NME7: variants seen among roughly 807,000 people sequenced by gnomAD.
NME7 encodes nucleoside diphosphate kinase 7.
NME7 carries 41 observed loss-of-function variants against 49.1 expected under a neutral mutation model. The observed-to-expected ratio is 0.83, with a 90% CI of 0.65 to 1.08. The LOEUF is 1.08. NME7 is among the 50% of genes least tolerant of loss of function. The pLI, the probability that NME7 is intolerant of heterozygous loss-of-function variation, is 0.00. For missense variants in NME7, 423 were observed against 463.4 expected (o/e 0.91, Z 0.80); for synonymous variants, 139 against 150.6 (o/e 0.92, Z 0.56).
chr1:169,154,145 C>T (rs1436157129), intron 11 of NME7, among the ~76,000 whole-genome samples: 1 of 151,992 alleles, frequency 6.6e-6, no homozygotes, highest in Non-Finnish European at 1.5e-5. Context: ...TTTGGAGTAG[C>T]TGAGACCACA....
rs143197998 is a variant in NME7 at position 169,269,746 on chromosome 1, T to A, written c.754+17557A>T. 1.4e-3 allele frequency among the ~76,000 whole-genome samples: 187 copies of A among 133,898 alleles called. 48 individuals carry two copies. The highest frequency in any genetic ancestry group is 4.9e-3 in the South Asian group (21 of 4,326). The allele number at this position is 133,898 out of a possible 152,430, so 87.8% of individuals were successfully genotyped here. On this transcript the variant is annotated intron_variant, in intron 7 of 11. Coordinates refer to ENST00000367811, the MANE Select transcript of NME7 (RefSeq NM_013330.5). Reference sequence around the variant, plus strand: ...TTTTAATTCTTATACCAGAGCCAATTCTGATGCTAAATTTACAAATTGGTC... The same window carrying A: ...TTTTAATTCTTATACCAGAGCCAATACTGATGCTAAATTTACAAATTGGTC...
chr1:169,225,654 G>T (rs978575716), intron 10 of NME7, among the ~76,000 whole-genome samples: 6 of 152,228 alleles, frequency 3.9e-5, no homozygotes, highest in African/African-American at 1.4e-4. Flanking sequence ...TTACTTTGTA[G>T]ATAGTAAATA....
intron 5 of NME7, among the ~76,000 whole-genome samples, chr1:169,300,509 T>C (rs1167752513): frequency 6.6e-6 from 1 of 152,148 alleles, no homozygotes; most frequent in Non-Finnish European, 1.5e-5. Context: ...AATAATAATA[T>C]GAGCATGCAA....
intron 11 of NME7, among the ~76,000 whole-genome samples, chr1:169,146,113 T>G (rs1244851385): frequency 1.3e-5 from 2 of 152,184 alleles, no homozygotes; most frequent in Non-Finnish European, 2.9e-5. Flanking sequence ...GAGTCCCCAG[T>G]GTCTATTATT....
intron 10 of NME7, among the ~76,000 whole-genome samples, chr1:169,214,950 T>G (rs1384984797): frequency 6.6e-6 from 1 of 152,236 alleles, no homozygotes; most frequent in African/African-American, 2.4e-5. Context: ...GCAGCTGCCC[T>G]CCGCCAGTGA....
chr1:169,164,103 C>G (rs960709594), intron 11 of NME7, among the ~76,000 whole-genome samples: 3 of 113,824 alleles, frequency 2.6e-5, no homozygotes, highest in Non-Finnish European at 5.4e-5. Context: ...GAGCGAGACT[C>G]TGTCTCAAAA....
chr1:169,305,068 A>G (rs932988428), intron 4 of NME7, among the ~76,000 whole-genome samples: 1 of 152,202 alleles, frequency 6.6e-6, no homozygotes, highest in Non-Finnish European at 1.5e-5. Context: ...ATCCATTACT[A>G]AAAATGTTTC....
chr1:169,153,139 C>T (rs1007504088), intron 11 of NME7, among the ~76,000 whole-genome samples: 1 of 152,048 alleles, frequency 6.6e-6, no homozygotes, highest in Non-Finnish European at 1.5e-5. Context: ...TGATCCTGGC[C>T]AAGTCATTTC....
intron 7 of NME7, among the ~76,000 whole-genome samples, chr1:169,252,531 A>G (rs1344345054): frequency 2.0e-5 from 3 of 151,882 alleles, no homozygotes; most frequent in Non-Finnish European, 4.4e-5. Flanking sequence ...CTCTGATGGT[A>G]GTTTCTTTTG....
At chr1:169,323,034 G>A in intron 3 of NME7, 83 bp downstream of exon 3, 1 of 1,162,648 alleles carries the variant, frequency 8.6e-7, no homozygotes, top group Non-Finnish European at 1.2e-6. Flanking sequence ...TCCTCATATG[G>A]TTACATACTC....
intron 10 of NME7, among the ~76,000 whole-genome samples, chr1:169,211,957 T>C (rs1054197190): frequency 3.9e-5 from 6 of 152,274 alleles, no homozygotes; most frequent in African/African-American, 1.2e-4. Context: ...AACTGCTGTT[T>C]GTTACTCTCT....
chr1:169,230,869 C>A (rs767536829), intron 9 of NME7, 50 bp from the exon 10 acceptor site: 4 of 1,295,488 alleles, frequency 3.1e-6, no homozygotes, highest in Non-Finnish European at 3.2e-6. Context: ...ATTTTTAACT[C>A]TCCCCTTTTA....
chr1:169,336,807 A>G (rs946241097), intron 1 of NME7, among the ~76,000 whole-genome samples: 1 of 150,842 alleles, frequency 6.6e-6, no homozygotes, highest in Non-Finnish European at 1.5e-5. Context: ...CTAGACATAA[A>G]GATTCTCCAA....
At chr1:169,153,668 A>AT (rs11295689) in intron 11 of NME7, among the ~76,000 whole-genome samples, 9 of 151,376 alleles carry the variant, frequency 5.9e-5, no homozygotes, top group East Asian at 1.9e-4. Flanking sequence ...TTAATTTTAC[A>AT]TTTTTTTTTA....
chr1:169,185,819 G>A (rs548626597), intron 10 of NME7, among the ~76,000 whole-genome samples: 1 of 152,160 alleles, frequency 6.6e-6, no homozygotes, highest in Non-Finnish European at 1.5e-5. Context: ...TATTTACTTA[G>A]CATGCAAAAA....
intron 11 of NME7, among the ~76,000 whole-genome samples, chr1:169,149,847 C>T (rs1221222358): frequency 6.6e-6 from 1 of 152,178 alleles, no homozygotes; most frequent in Non-Finnish European, 1.5e-5. Context: ...TTGAGAGTAA[C>T]TGGGACCAAT....
chr1:169,182,017 TTAAC>T (rs777073941), intron 10 of NME7, among the ~76,000 whole-genome samples: 82 of 152,110 alleles, frequency 5.4e-4, no homozygotes, highest in Non-Finnish European at 8.7e-4. Flanking sequence ...AGACGACTCT[TTAAC>T]TACTGCCCAG....
At chr1:169,305,596 G>A (rs1181932254) in intron 4 of NME7, among the ~76,000 whole-genome samples, 1 of 152,162 alleles carries the variant, frequency 6.6e-6, no homozygotes, top group Non-Finnish European at 1.5e-5. Flanking sequence ...GATTGTGTTT[G>A]CAACAAGAAA....
At chr1:169,200,321 G>A (rs955284621) in intron 10 of NME7, among the ~76,000 whole-genome samples, 2 of 152,092 alleles carry the variant, frequency 1.3e-5, no homozygotes, top group Non-Finnish European at 2.9e-5. Flanking sequence ...TTCCCTCCAG[G>A]AAGAGGGTAG....
Sources: gnomAD v4.1 joint callset for allele counts (sites outside exome capture counted in the v4.1 genomes callset) on GRCh38, gnomAD v4.1.1 for gene constraint, MANE v1.5 for transcripts, NCBI Gene and HGNC (gene_info 2026-07-23, HGNC 2026-07-21) for gene names.